Variants in CREG2 observed in about 807,000 individuals in gnomAD.
The protein encoded by CREG2 is protein CREG2.
In CREG2, 24 loss-of-function variants were observed where a neutral mutation model predicts 26.2. That is an observed-to-expected ratio of 0.92 (90% confidence interval 0.66 to 1.29). The LOEUF (loss-of-function observed/expected upper bound fraction) is 1.29. Ranked by LOEUF, CREG2 falls within the 50% of genes most tolerant of loss-of-function variation. The probability of loss-of-function intolerance (pLI) is 0.00; values close to 1 mark genes in which losing one functional copy is unlikely to be tolerated. For synonymous variants in CREG2, 174 were observed against 169.2 expected (o/e 1.03, Z -0.22); for missense variants, 366 against 398.6 (o/e 0.92, Z 0.70).
At position 101,387,180 on chromosome 2, in the gene CREG2, C is replaced by T. The variant is rs1296126851; in HGVS notation, c.278G>A (p.Arg93Gln). Reference protein sequence around the residue: ...AHLRPRAGAARARPPPAPPGM... With the variant: ...AHLRPRAGAAQARPPPAPPGM... ...GGGTGGCGCGGGGGGCGGCCTGGCC[C>T]GGGCGGCGCCCGCCCGGGGCCGCAG... The change falls in exon 1 of 4, where the codon CGG becomes CAG. Residue 93 changes from arginine to glutamine, a missense_variant. Physicochemically the swap from Arg to Gln is conservative, Grantham distance 43. Coordinates refer to ENST00000324768, the MANE Select transcript of CREG2 (RefSeq NM_153836.4). The surrounding 1 kb of genome is among the most constrained non-coding windows in gnomAD (Gnocchi z 4.7). 10 of 1,327,210 alleles carry T rather than the reference C, an allele frequency of 7.5e-6. No individual in the cohort carries two copies. The highest frequency in any genetic ancestry group is 3.0e-5 in the African/African-American group (2 of 65,882). The allele number at this position is 1,327,210 out of a possible 1,614,324, so 82.2% of individuals were successfully genotyped here. A position where few individuals can be genotyped will look rare whatever the true frequency, so the allele number is the denominator to read the frequency against.
intron 2 of CREG2, among the ~76,000 whole-genome samples, chr2:101,373,902 T>C (rs1684750167): frequency 6.6e-6 from 1 of 152,230 alleles, no homozygotes; most frequent in Non-Finnish European, 1.5e-5. Context: ...GTCTACACTC[T>C]GTCACCCAGG....
chr2:101,360,358 T>C (rs1247868342), intron 2 of CREG2, among the ~76,000 whole-genome samples: 1 of 152,164 alleles, frequency 6.6e-6, no homozygotes, highest in African/African-American at 2.4e-5. Flanking sequence ...GTTACCTTAA[T>C]AAATCTCAAC....
At chr2:101,377,936 A>T (rs1028014739) in intron 2 of CREG2, among the ~76,000 whole-genome samples, 7 of 152,218 alleles carry the variant, frequency 4.6e-5, no homozygotes, top group African/African-American at 1.7e-4. Flanking sequence ...AAAAATATTT[A>T]ATTGTCAAAT....
intron 2 of CREG2, among the ~76,000 whole-genome samples, chr2:101,364,356 C>T (rs1173690116): frequency 6.6e-6 from 1 of 152,164 alleles, no homozygotes; most frequent in Admixed American, 6.5e-5. Flanking sequence ...TGCTAGATGC[C>T]AGCAGTACCT....
At chr2:101,369,005 A>G (rs1320157072) in intron 2 of CREG2, among the ~76,000 whole-genome samples, 3 of 152,190 alleles carry the variant, frequency 2.0e-5, no homozygotes, top group African/African-American at 4.8e-5. Flanking sequence ...AAGGCAAGAG[A>G]GTGATGTCCG....
At position 101,387,378 on chromosome 2, in the gene CREG2, G is replaced by A; in HGVS notation, c.80C>T (p.Ser27Phe). Residue 27 changes from serine to phenylalanine, a missense_variant, in exon 1 of 4, where the codon TCC becomes TTC. Transcript: ENST00000324768. This position sits in a 1 kb window ranked among gnomAD's most constrained non-coding sequence, Gnocchi z 4.7. ...SWLLCCSALL[S>F]PAAGYVIVSS... ...CACGATCACGTAGCCCGCGGCCGGG[G>A]ACAGCAGGGCGCTGCAGCACAGCAG... 1 of 1,400,718 alleles carries A rather than the reference G, an allele frequency of 7.1e-7. No homozygotes were observed. The highest frequency in any genetic ancestry group is 9.4e-7 in the Non-Finnish European group (1 of 1,062,294). The allele number at this position is 1,400,718 out of a possible 1,614,324, so 86.8% of individuals were successfully genotyped here.
chr2:101,350,959 C>G lies in CREG2; in HGVS notation c.837G>C (p.Arg279Ser). 6.2e-7 allele frequency: 1 copy of G among 1,614,202 alleles called. No homozygotes were observed. The highest frequency in any genetic ancestry group is 1.1e-5 in the South Asian group (1 of 91,078). Residue 279 changes from arginine to serine, a missense_variant, in exon 4 of 4, where the codon AGG (arginine) becomes AGC (serine). Arg to Ser is a moderately radical substitution (Grantham distance 110). Around this residue, in one of 3 missense-constraint regions of CREG2, gnomAD observed 174 missense variants for 178.2 expected, o/e 0.98. Transcript: ENST00000324768. The part of the protein sequence containing the change: ...KWYGGASSIS[R>S]EEYFKAVPRK... ...TGGGAACTGCTTTGAAATATTCCTCCCTTGAAATACTGGATGCGCCTCCAT... is the reference window on the plus strand; with the variant it reads ...TGGGAACTGCTTTGAAATATTCCTCGCTTGAAATACTGGATGCGCCTCCAT...
In CREG2 at chr2:101,347,732, A is replaced by T. The variant is rs1305911721; in HGVS notation, c.*3191T>A. Reference sequence around the variant, plus strand: ...ATTCTAGATACTAATCTTTTGTTGGATATGTGGTTTGGAAATATTTTCTCC... The same window carrying T: ...ATTCTAGATACTAATCTTTTGTTGGTTATGTGGTTTGGAAATATTTTCTCC... On this transcript the variant is annotated 3_prime_UTR_variant, in exon 4 of 4. Transcript: ENST00000324768. The T allele has an allele frequency of 6.6e-6, 1 of 151,796 alleles. No homozygotes were observed. The highest frequency in any genetic ancestry group is 1.5e-5 in the Non-Finnish European group (1 of 67,978). 9.4% of individuals were successfully genotyped at this position (151,796 alleles called of 1,614,324 possible).
chr2:101,365,068 G>A (rs1684599813), intron 2 of CREG2, among the ~76,000 whole-genome samples: 1 of 152,202 alleles, frequency 6.6e-6, no homozygotes, highest in African/African-American at 2.4e-5. Context: ...AACCTGGCTG[G>A]AGAAGCTGGA....
At chr2:101,359,553 G>A (rs1446141055) in intron 2 of CREG2, among the ~76,000 whole-genome samples, 6 of 152,150 alleles carry the variant, frequency 3.9e-5, no homozygotes, top group Non-Finnish European at 8.8e-5. Context: ...CCCTGGCACT[G>A]GGTGTGACCA....
intron 2 of CREG2, among the ~76,000 whole-genome samples, chr2:101,357,426 T>C (rs1056743217): frequency 2.0e-5 from 3 of 152,204 alleles, no homozygotes; most frequent in African/African-American, 7.2e-5. Flanking sequence ...AAATGTCATT[T>C]AGAGACTGGC....
rs1167503500 is a variant in CREG2, at chr2:101,347,552, C to A, written c.*3371G>T. The A allele has an allele frequency of 6.6e-6, 1 of 152,118 alleles. No homozygotes were observed. Among genetic ancestry groups the A allele is most frequent in the East Asian group, 1.9e-4 (1 of 5,192 alleles). 9.4% of individuals were successfully genotyped at this position (152,118 alleles called of 1,614,324 possible). A position where few individuals can be genotyped will look rare whatever the true frequency, so the allele number is the denominator to read the frequency against. On this transcript the variant is annotated 3_prime_UTR_variant, in exon 4 of 4. Transcript: ENST00000324768. ...GATATCTCATTGTAGTATTAGTTTG[C>A]AGTTCCCCTAGTGACTAGTGCTGTT...
intron 2 of CREG2, among the ~76,000 whole-genome samples, chr2:101,381,635 C>A (rs1274892920): frequency 6.6e-6 from 1 of 152,194 alleles, no homozygotes; most frequent in Non-Finnish European, 1.5e-5. Context: ...TATAGCAGTT[C>A]TGAGAAACAG....
intron 2 of CREG2, among the ~76,000 whole-genome samples, chr2:101,359,119 A>C (rs936926482): frequency 1.3e-5 from 2 of 151,232 alleles, no homozygotes; most frequent in African/African-American, 4.9e-5. Context: ...GTTTATTAAA[A>C]AGTTTTAGGG....
At chr2:101,379,484 C>T (rs909512431) in intron 2 of CREG2, among the ~76,000 whole-genome samples, 2 of 152,142 alleles carry the variant, frequency 1.3e-5, no homozygotes, top group African/African-American at 4.8e-5. Flanking sequence ...CATGGATACT[C>T]AATGTCCTTC....
rs1380782325 is a variant in CREG2 at position 101,348,074 on chromosome 2, T to A, written c.*2849A>T. On this transcript the variant is annotated 3_prime_UTR_variant, in exon 4 of 4. Transcript: ENST00000324768. The stretch of plus-strand genomic sequence containing the variant: ...TTGAAAAGGCTATCCTCTGTTGAAT[T>A]AGTTTTGTACTTTTGTAAAAGAAAA... 6.6e-6 allele frequency: 1 copy of A among 152,222 alleles called. No individual in the cohort carries two copies. Among genetic ancestry groups the A allele is most frequent in the Non-Finnish European group, 1.5e-5 (1 of 68,034 alleles). 9.4% of individuals were successfully genotyped at this position (152,222 alleles called of 1,614,324 possible). A position where few individuals can be genotyped will look rare whatever the true frequency, so the allele number is the denominator to read the frequency against.
rs182990442 is a variant in CREG2, at chr2:101,366,027, G to A, written c.612-10661C>T. Among the ~76,000 whole-genome samples, 26 of 152,288 alleles carry A rather than the reference G, an allele frequency of 1.7e-4. No individual in the cohort carries two copies. The East Asian group carries it at 4.2e-3, about 25-fold the overall frequency. On this transcript the variant is annotated intron_variant, in intron 2 of 3. Transcript: ENST00000324768. ...CCCAAGTTATTATTCCCCAGTTTAC[G>A]TTATTCCATCTTGTCTATGAGAATA...
At chr2:101,370,038 T>G (rs1411521740) in intron 2 of CREG2, among the ~76,000 whole-genome samples, 1 of 152,184 alleles carries the variant, frequency 6.6e-6, no homozygotes, top group African/African-American at 2.4e-5. Context: ...TGGGTAACAG[T>G]CCGGCTCGGG....
rs1364476924 is a variant in CREG2, at chr2:101,349,860, T to G, written c.*1063A>C. On this transcript the variant is annotated 3_prime_UTR_variant, in exon 4 of 4. Transcript: ENST00000324768. ...TACCCATGCATTTCAATAACTCTTT[T>G]GTTGTTAAAACTGGATGTCTTGTAG... 3 of 152,224 alleles carry G rather than the reference T, an allele frequency of 2.0e-5. No homozygotes were observed. The highest frequency in any genetic ancestry group is 1.9e-4 in the East Asian group (1 of 5,190). The allele number at this position is 152,224 out of a possible 1,614,324, so 9.4% of individuals were successfully genotyped here.
Sources: gnomAD v4.1 joint callset for allele counts (sites outside exome capture counted in the v4.1 genomes callset) on GRCh38, gnomAD v4.1.1 for gene constraint, gnomAD v4.1.1 regional missense constraint, Gnocchi (gnomAD v3.1) non-coding constraint, MANE v1.5 for transcripts, NCBI Gene and HGNC (gene_info 2026-07-23, HGNC 2026-07-21) for gene names.